RNGTT: variants seen among roughly 807,000 people sequenced by gnomAD.
RNGTT encodes RNA guanylyltransferase and 5'-phosphatase.
In RNGTT, 33 loss-of-function variants were observed where a neutral mutation model predicts 79.3. The ratio of observed to expected loss-of-function variants is 0.42; its 90% confidence interval spans 0.32 to 0.56. The LOEUF is 0.56. Among genes scored for constraint, RNGTT ranks in the 20% least tolerant of loss-of-function variants. The pLI, the probability that RNGTT is intolerant of heterozygous loss-of-function variation, is 0.17. For synonymous variants in RNGTT, 222 were observed against 235.9 expected, an observed-to-expected ratio of 0.94 and a Z score of 0.54; for missense variants, 497 against 739.1, an observed-to-expected ratio of 0.67 and a Z score of 3.80.
At chr6:88,792,287 T>C (rs1040132202) in intron 12 of RNGTT, among the ~76,000 whole-genome samples, 7 of 152,200 alleles carry the variant, frequency 4.6e-5, no homozygotes, top group Admixed American at 6.5e-5. Context: ...CACATCTGTC[T>C]ATAATCAACT....
At chr6:88,929,101 A>G (rs1177929774) in intron 3 of RNGTT, 28 bp from the exon 4 acceptor site, 7 of 1,593,220 alleles carry the variant, frequency 4.4e-6, no homozygotes, top group Non-Finnish European at 6.0e-6. Flanking sequence ...GTTTTTTTGA[A>G]AAAAGAGATT....
chr6:88,905,844 T>C (rs981877374), intron 5 of RNGTT, among the ~76,000 whole-genome samples: 3 of 152,204 alleles, frequency 2.0e-5, no homozygotes, highest in Non-Finnish European at 2.9e-5. Flanking sequence ...AGTGATTTGC[T>C]GGTTAATGCA....
At chr6:88,962,382 AAC>A (rs1039519016) in intron 1 of RNGTT, among the ~76,000 whole-genome samples, 3 of 152,174 alleles carry the variant, frequency 2.0e-5, no homozygotes, top group Non-Finnish European at 4.4e-5. Flanking sequence ...CTATAATCCC[AAC>A]ACTTTGGGAG....
intron 12 of RNGTT, among the ~76,000 whole-genome samples, chr6:88,799,912 T>C (rs1366881301): frequency 6.6e-6 from 1 of 152,134 alleles, no homozygotes; most frequent in African/African-American, 2.4e-5. Flanking sequence ...TCTTTCAGTC[T>C]AGGGAGACTG....
intron 13 of RNGTT, among the ~76,000 whole-genome samples, chr6:88,719,945 G>A (rs1011159717): frequency 6.6e-6 from 1 of 152,194 alleles, no homozygotes; most frequent in East Asian, 1.9e-4. Flanking sequence ...TCATTTCATC[G>A]TCCAAGAAGT....
At chr6:88,650,382 G>A (rs534267626) in intron 14 of RNGTT, among the ~76,000 whole-genome samples, 5 of 152,070 alleles carry the variant, frequency 3.3e-5, no homozygotes, top group Admixed American at 2.6e-4. Flanking sequence ...TACTCATTCC[G>A]AAACTTAAAA....
rs565806025 is a variant in RNGTT, at chr6:88,817,686, A to G, written c.1270-16054T>C. Among the ~76,000 whole-genome samples, 4 of 149,734 alleles carry G rather than the reference A, an allele frequency of 2.7e-5. No homozygotes were observed. In the South Asian group the frequency reaches 8.5e-4, roughly 32 times the overall value. ...CCCTATTCCTTCACGTACTTTGCCA[A>G]CCTCTGAACCTAAATGATAACTAAC... On this transcript the variant is annotated intron_variant, in intron 11 of 15. Transcript: ENST00000369485.
At chr6:88,832,450 C>T (rs1780903532) in intron 11 of RNGTT, among the ~76,000 whole-genome samples, 1 of 152,192 alleles carries the variant, frequency 6.6e-6, no homozygotes, top group Non-Finnish European at 1.5e-5. Context: ...GAATTAAAGA[C>T]TTAAACATAA....
At chr6:88,801,307 T>C (rs1211435444) in intron 12 of RNGTT, among the ~76,000 whole-genome samples, 1 of 152,220 alleles carries the variant, frequency 6.6e-6, no homozygotes, top group Non-Finnish European at 1.5e-5. Flanking sequence ...CTTTGAAATG[T>C]AACGACCAAA....
At chr6:88,654,296 TAA>T (rs2127779171) in intron 14 of RNGTT, among the ~76,000 whole-genome samples, 1 of 152,252 alleles carries the variant, frequency 6.6e-6, no homozygotes, top group African/African-American at 2.4e-5. Context: ...TCCTCATCAT[TAA>T]GAGTATTACA....
intron 14 of RNGTT, among the ~76,000 whole-genome samples, chr6:88,626,833 A>G (rs1445647793): frequency 1.8e-4 from 28 of 152,116 alleles, no homozygotes; most frequent in Admixed American, 1.8e-3. Flanking sequence ...AAGAAGTCAC[A>G]TGGACAAAAC....
At chr6:88,930,183 T>TACATATATACATAA (rs908540736) in intron 2 of RNGTT, among the ~76,000 whole-genome samples, 1 of 148,306 alleles carries the variant, frequency 6.7e-6, no homozygotes, top group African/African-American at 2.5e-5. Flanking sequence ...TATATGTATA[T>TACATATATACATAA]ACATATATAC....
At chr6:88,800,071 A>AG (rs946377241) in intron 12 of RNGTT, among the ~76,000 whole-genome samples, 13 of 152,114 alleles carry the variant, frequency 8.5e-5, no homozygotes, top group African/African-American at 2.9e-4. Flanking sequence ...TTGTTTGGCA[A>AG]GGGGGGCTAG....
chr6:88,669,703 T>A (rs1432502797), intron 14 of RNGTT, among the ~76,000 whole-genome samples: 1 of 152,242 alleles, frequency 6.6e-6, no homozygotes, highest in Non-Finnish European at 1.5e-5. Flanking sequence ...TATGCCAAGC[T>A]ACCTGATCAA....
intron 13 of RNGTT, among the ~76,000 whole-genome samples, chr6:88,706,916 T>G (rs1776147652): frequency 6.6e-6 from 1 of 151,666 alleles, no homozygotes; most frequent in South Asian, 2.1e-4. Flanking sequence ...GGTCTGCCAA[T>G]CCTTCATCAA....
At chr6:88,781,900 C>T (rs547629568) in intron 12 of RNGTT, among the ~76,000 whole-genome samples, 15 of 152,122 alleles carry the variant, frequency 9.9e-5, no homozygotes, top group Admixed American at 4.6e-4. Context: ...TACTTTTTCA[C>T]CCAGGCTATT....
At chr6:88,898,150 CT>C (rs1205378943) in intron 6 of RNGTT, among the ~76,000 whole-genome samples, 1 of 152,140 alleles carries the variant, frequency 6.6e-6, no homozygotes, top group East Asian at 1.9e-4. Context: ...CAGGGAACCC[CT>C]AACACAACTC....
intron 13 of RNGTT, among the ~76,000 whole-genome samples, chr6:88,752,603 A>G (rs1777876496): frequency 6.6e-6 from 1 of 152,162 alleles, no homozygotes; most frequent in Non-Finnish European, 1.5e-5. Flanking sequence ...TAGTAGACTA[A>G]AGCAATGTCA....
chr6:88,716,257 C>G (rs1374243680), intron 13 of RNGTT, among the ~76,000 whole-genome samples: 1 of 151,794 alleles, frequency 6.6e-6, no homozygotes, highest in Admixed American at 6.5e-5. Context: ...CAAATCAAAA[C>G]CACAATGAGA....
Sources: gnomAD v4.1 joint callset for allele counts (sites outside exome capture counted in the v4.1 genomes callset) on GRCh38, gnomAD v4.1.1 for gene constraint, MANE v1.5 for transcripts, NCBI Gene and HGNC (gene_info 2026-07-23, HGNC 2026-07-21) for gene names.